PRUNE2: variants seen among roughly 807,000 people sequenced by gnomAD.
The protein encoded by PRUNE2 is protein prune homolog 2.
A neutral mutation model predicts 252.0 loss-of-function variants in PRUNE2; 164 were observed. The observed-to-expected ratio is 0.65, with a 90% CI of 0.57 to 0.74. PRUNE2 has a LOEUF of 0.74. Among genes scored for constraint, PRUNE2 ranks in the 30% least tolerant of loss-of-function variants. PRUNE2 has a pLI of 0.00. For synonymous variants in PRUNE2, 1,292 were observed against 1,350.2 expected (o/e 0.96, Z 0.94); for missense variants, 3,495 against 3,711.0 (o/e 0.94, Z 1.51).
At chr9:76,811,215 A>C (rs1458205682) in intron 6 of PRUNE2, among the ~76,000 whole-genome samples, 1 of 152,224 alleles carries the variant, frequency 6.6e-6, no homozygotes, top group East Asian at 1.9e-4. Context: ...AGAGTGAAAG[A>C]GCAGTCATCC....
chr9:76,753,467 C>G (rs566839237), intron 6 of PRUNE2, among the ~76,000 whole-genome samples: 1 of 152,186 alleles, frequency 6.6e-6, no homozygotes, highest in Non-Finnish European at 1.5e-5. Flanking sequence ...CTCTTGTTCT[C>G]TGTCAGGAGT....
At chr9:76,754,845 A>G (rs2050962432) in intron 6 of PRUNE2, among the ~76,000 whole-genome samples, 1 of 151,646 alleles carries the variant, frequency 6.6e-6, no homozygotes, top group Admixed American at 6.6e-5. Context: ...ACACTGCTGT[A>G]GTCCCAGCTA....
chr9:76,704,052 TA>T lies in PRUNE2; in HGVS notation c.7560del (p.Thr2521ProfsTer7), dbSNP rs1376390616. On this transcript the variant is annotated frameshift_variant, in exon 9 of 19. Coordinates refer to ENST00000376718, the MANE Select transcript of PRUNE2 (RefSeq NM_015225.3). LOFTEE classifies it high-confidence loss of function. ...GATTTTATCTGCTCAGGCTCTTTGG[TA>T]GGAATTGTTTTTTCTTCTTCCAATT... ...ISELEEEKTI[P>X]TKEPEQIKSE... 1.9e-6 allele frequency: 3 copies of T among 1,604,364 alleles called. No homozygotes were observed. The highest frequency in any genetic ancestry group is 2.5e-6 in the Non-Finnish European group (3 of 1,177,300).
intron 1 of PRUNE2, among the ~76,000 whole-genome samples, chr9:76,873,917 T>C (rs2061351393): frequency 6.6e-6 from 1 of 152,210 alleles, no homozygotes. Context: ...TTCCATACCA[T>C]ATGCTTATAA....
chr9:76,876,296 T>A (rs1352851735), intron 1 of PRUNE2, among the ~76,000 whole-genome samples: 1 of 152,196 alleles, frequency 6.6e-6, no homozygotes, highest in African/African-American at 2.4e-5. Flanking sequence ...GAATAGCATG[T>A]TCTGCTTGGA....
chr9:76,618,717 G>T (rs786319), intron 18 of PRUNE2, among the ~76,000 whole-genome samples: 1 of 152,100 alleles, frequency 6.6e-6, no homozygotes, highest in Non-Finnish European at 1.5e-5. Flanking sequence ...AAAACAGTGG[G>T]CTGGTCAGAT....
intron 4 of PRUNE2, among the ~76,000 whole-genome samples, chr9:76,827,626 G>A (rs949089835): frequency 6.6e-6 from 1 of 152,124 alleles, no homozygotes; most frequent in East Asian, 1.9e-4. Context: ...ATGGGGGAGG[G>A]AAAATGGAAA....
At chr9:76,688,229 TAC>T (rs2044310373) in intron 9 of PRUNE2, among the ~76,000 whole-genome samples, 1 of 152,164 alleles carries the variant, frequency 6.6e-6, no homozygotes, top group Non-Finnish European at 1.5e-5. Context: ...CCTCAGTAGA[TAC>T]AGAGGTCTGC....
At chr9:76,760,732 G>A (rs572529875) in intron 6 of PRUNE2, among the ~76,000 whole-genome samples, 14 of 152,088 alleles carry the variant, frequency 9.2e-5, no homozygotes, top group Admixed American at 2.0e-4. Flanking sequence ...CAACCAAGCC[G>A]AAAACCCTGG....
Position 76,704,944 on chromosome 9 carries a change from C to A in PRUNE2, c.7330G>T (p.Ala2444Ser), listed in dbSNP as rs748518565. The change falls in exon 8 of 19, where the codon GCT becomes TCT. Residue 2444 changes from alanine to serine, a missense_variant. Physicochemically the swap from Ala to Ser is moderately conservative, Grantham distance 99 (BLOSUM62 1). Coordinates refer to ENST00000376718, the MANE Select transcript of PRUNE2 (RefSeq NM_015225.3). ...LPDRRSEGNQ[A>S]ETKNRLPGSQ... ...CCAGGCAGTCTGTTTTTGGTCTCAGCCTGGTTTCCCTCACTTCTTCGATCA... is the reference window on the plus strand; with the variant it reads ...CCAGGCAGTCTGTTTTTGGTCTCAGACTGGTTTCCCTCACTTCTTCGATCA... 1.2e-6 allele frequency: 2 copies of A among 1,612,750 alleles called. No individual in the cohort carries two copies. Among genetic ancestry groups the A allele is most frequent in the Middle Eastern group, 1.7e-4 (1 of 6,050 alleles).
rs115835148 is a variant in PRUNE2, at chr9:76,700,501, C to T, written c.8276+2836G>A. On this transcript the variant is annotated intron_variant, in intron 9 of 18. Coordinates refer to ENST00000376718, the MANE Select transcript of PRUNE2 (RefSeq NM_015225.3). ...TATTCATCCCAGTTCACTCAGCTAG[C>T]TTCTTACCCTCTTCTTTGCCTTTCC... Among the ~76,000 whole-genome samples the T allele has an allele frequency of 7.4e-3, 1,126 of 152,280 alleles. 10 individuals are homozygous for T. The highest frequency in any genetic ancestry group is 0.025 in the African/African-American group (1,037 of 41,558).
rs150022857 is a variant in PRUNE2, at chr9:76,678,803, G to A, written c.8277-23301C>T. On this transcript the variant is annotated intron_variant, in intron 9 of 18. Transcript: ENST00000376718. ...AGATGGTGCCACTGCACTCCAGCCT[G>A]GGCGACAAAGTGAGACTCCGTCTCA... 1.5e-3 allele frequency among the ~76,000 whole-genome samples: 236 copies of A among 152,286 alleles called. 2 individuals carry two copies. Among genetic ancestry groups the A allele is most frequent in the African/African-American group, 5.4e-3 (224 of 41,568 alleles).
chr9:76,799,059 G>A (rs886878700), intron 6 of PRUNE2, among the ~76,000 whole-genome samples: 3 of 152,166 alleles, frequency 2.0e-5, no homozygotes, highest in African/African-American at 7.2e-5. Context: ...AGTGATTTTT[G>A]GCCAAACGCG....
At chr9:76,682,518 C>T (rs1431586331) in intron 9 of PRUNE2, among the ~76,000 whole-genome samples, 10 of 151,782 alleles carry the variant, frequency 6.6e-5, no homozygotes, top group South Asian at 2.1e-4. Context: ...TGCGCCACCC[C>T]GCCCGACTAA....
chr9:76,760,912 T>A (rs1485309468), intron 6 of PRUNE2, among the ~76,000 whole-genome samples: 2 of 151,722 alleles, frequency 1.3e-5, no homozygotes, highest in Admixed American at 6.6e-5. Flanking sequence ...ACTGCGAAAC[T>A]CCATCTCTAT....
At chr9:76,682,522 CGACT>C (rs945792748) in intron 9 of PRUNE2, among the ~76,000 whole-genome samples, 3 of 151,776 alleles carry the variant, frequency 2.0e-5, no homozygotes, top group African/African-American at 7.3e-5. Context: ...CCACCCCGCC[CGACT>C]AATTTTTTGT....
In PRUNE2 at chr9:76,613,380, G is replaced by A. The variant is rs1409034437; in HGVS notation, c.*1190C>T. 3 of 152,196 alleles carry A rather than the reference G, an allele frequency of 2.0e-5. No homozygotes were observed. The highest frequency in any genetic ancestry group is 7.2e-5 in the African/African-American group (3 of 41,456). The allele number at this position is 152,196 out of a possible 1,614,324, so 9.4% of individuals were successfully genotyped here. A position where few individuals can be genotyped will look rare whatever the true frequency, so the allele number is the denominator to read the frequency against. ...CTGCGGCTGTAGTGTGAAAGTAGCT[G>A]TAGACAGTACAAAAACAAGTTTGTG... On this transcript the variant is annotated 3_prime_UTR_variant, in exon 19 of 19. Coordinates refer to ENST00000376718, the MANE Select transcript of PRUNE2 (RefSeq NM_015225.3).
At chr9:76,822,302 G>A (rs2058078420) in intron 6 of PRUNE2, among the ~76,000 whole-genome samples, 1 of 152,150 alleles carries the variant, frequency 6.6e-6, no homozygotes, top group Non-Finnish European at 1.5e-5. Context: ...AAACTGTGAG[G>A]TGCCACCAAA....
At chr9:76,807,529 A>T (rs1459161700) in intron 6 of PRUNE2, among the ~76,000 whole-genome samples, 1 of 152,226 alleles carries the variant, frequency 6.6e-6, no homozygotes, top group Admixed American at 6.5e-5. Flanking sequence ...AATATCATAT[A>T]TGGGGAACTA....
Sources: gnomAD v4.1 joint callset for allele counts (sites outside exome capture counted in the v4.1 genomes callset) on GRCh38, gnomAD v4.1.1 for gene constraint, MANE v1.5 for transcripts, NCBI Gene and HGNC (gene_info 2026-07-23, HGNC 2026-07-21) for gene names.